Variants in TBC1D31 observed in about 807,000 individuals in gnomAD.
The protein encoded by TBC1D31 is TBC1 domain family member 31.
In TBC1D31, 99 loss-of-function variants were observed where a neutral mutation model predicts 132.9. The observed-to-expected ratio is 0.74, with a 90% CI of 0.63 to 0.88. TBC1D31 has a LOEUF of 0.88. Ranked by LOEUF, TBC1D31 falls within the 40% of genes least tolerant of loss-of-function variation. The pLI is 0.00. For synonymous variants in TBC1D31, 385 were observed against 419.4 expected, an observed-to-expected ratio of 0.92 and a Z score of 1.00; for missense variants, 1,134 against 1,256.6, an observed-to-expected ratio of 0.90 and a Z score of 1.48.
intron 7 of TBC1D31, chr8:123,102,279 C>T (rs905398781): frequency 2.6e-5 from 12 of 456,432 alleles, no homozygotes; most frequent in African/African-American, 6.0e-5. Context: ...AATCACACAG[C>T]GAGTAACTAG....
intron 20 of TBC1D31, among the ~76,000 whole-genome samples, chr8:123,146,450 T>C (rs1262844588): frequency 1.3e-5 from 2 of 152,244 alleles, no homozygotes; most frequent in Non-Finnish European, 2.9e-5. Flanking sequence ...TTTCTTGTAC[T>C]TGGCATAATG....
intron 11 of TBC1D31, among the ~76,000 whole-genome samples, chr8:123,124,938 C>T (rs565651662): frequency 0.012 from 993 of 81,072 alleles, 13 homozygotes; most frequent in African/African-American, 0.04. Context: ...CTCCGTCTCA[C>T]AAAAAAAAAA....
At chr8:123,106,240 C>T (rs1036427473) in intron 8 of TBC1D31, among the ~76,000 whole-genome samples, 7 of 152,116 alleles carry the variant, frequency 4.6e-5, no homozygotes, top group Admixed American at 6.6e-5. Context: ...AATTGCACAC[C>T]GTTCTGAGTA....
downstream of TBC1D31, among the ~76,000 whole-genome samples, chr8:123,157,000 C>T (rs964586662): frequency 1.3e-5 from 2 of 152,060 alleles, no homozygotes; most frequent in African/African-American, 4.8e-5. Flanking sequence ...AGGGCAAGGG[C>T]GAGGGCAGGT....
intron 10 of TBC1D31, among the ~76,000 whole-genome samples, chr8:123,117,518 G>A (rs558646762): frequency 6.6e-6 from 1 of 151,844 alleles, no homozygotes; most frequent in South Asian, 2.1e-4. Flanking sequence ...ACTTTGGGAG[G>A]CCGAGACGGG....
intron 10 of TBC1D31, among the ~76,000 whole-genome samples, chr8:123,110,186 G>A (rs952878416): frequency 2.0e-5 from 3 of 152,322 alleles, no homozygotes; most frequent in Middle Eastern, 3.4e-3. Flanking sequence ...TAATGATTGT[G>A]ATGTAAGACG....
At chr8:123,102,349 G>GCTGTGGCA in intron 7 of TBC1D31, 1 of 417,806 alleles carries the variant, frequency 2.4e-6, no homozygotes. Context: ...TTGGAGTGGC[G>GCTGTGGCA]TTTGCCACCT....
At chr8:123,077,986 T>TTCA (rs1814710334) in intron 2 of TBC1D31, among the ~76,000 whole-genome samples, 1 of 151,886 alleles carries the variant, frequency 6.6e-6, no homozygotes, top group African/African-American at 2.4e-5. Flanking sequence ...AGGTGGAGGT[T>TTCA]TCAGTGAGCC....
rs1327668860 is a variant in TBC1D31, at chr8:123,139,082, A to T, written c.2500-1679A>T. Among the ~76,000 whole-genome samples, 6 of 149,636 alleles carry T rather than the reference A, an allele frequency of 4.0e-5. No homozygotes were observed. The East Asian group carries it at 1.2e-3, about 29-fold the overall frequency. Reference sequence around the variant, plus strand: ...CTTGGCCTCCCAAAGTGCTGGGATTATACGTATAAGCCACTATGCCTGGCA... The same window carrying T: ...CTTGGCCTCCCAAAGTGCTGGGATTTTACGTATAAGCCACTATGCCTGGCA... On this transcript the variant is annotated intron_variant, in intron 17 of 21. Transcript: ENST00000287380.
rs762627231 is a variant in TBC1D31 at position 123,129,229 on chromosome 8, T to C, written c.2270+11T>C. 7 of 1,488,812 alleles carry C rather than the reference T, an allele frequency of 4.7e-6. No homozygotes were observed. The South Asian group carries it at 9.8e-5, about 21-fold the overall frequency. The allele number at this position is 1,488,812 out of a possible 1,614,324, so 92.2% of individuals were successfully genotyped here. ...ACAACAAAGACAGAGGTATGTGTTA[T>C]CACTTTAAAAAAAAATCTGGACATA... is the stretch of plus-strand genomic sequence containing the variant. On this transcript the variant is annotated intron_variant, in intron 15 of 21. Coordinates refer to ENST00000287380, the MANE Select transcript of TBC1D31 (RefSeq NM_145647.4).
intron 17 of TBC1D31, among the ~76,000 whole-genome samples, chr8:123,139,140 T>G (rs1821387564): frequency 6.7e-6 from 1 of 149,296 alleles, no homozygotes; most frequent in African/African-American, 2.5e-5. Flanking sequence ...TTTCAAACAG[T>G]CATGTGATTT....
chr8:123,159,176 A>G, the TBC1D31 span, among the ~76,000 whole-genome samples: 2 of 149,940 alleles, frequency 1.3e-5, no homozygotes, highest in African/African-American at 4.9e-5. Flanking sequence ...AAACAGCCCC[A>G]CTTTCGGGTG....
chr8:123,123,038 A>T (rs937059600), intron 11 of TBC1D31: 1 of 152,296 alleles, frequency 6.6e-6, no homozygotes, highest in South Asian at 2.1e-4. Flanking sequence ...CTGGAGCTCC[A>T]CTTGCACAGA....
intron 16 of TBC1D31, among the ~76,000 whole-genome samples, chr8:123,131,363 CA>C (rs59929988): frequency 0.27 from 17,785 of 64,832 alleles, 385 homozygotes; most frequent in Admixed American, 0.32. Context: ...GACTCAGTCT[CA>C]AAAAAAAAAA....
At chr8:123,123,625 A>G (rs1341079218) in intron 11 of TBC1D31, 1 of 152,932 alleles carries the variant, frequency 6.5e-6, no homozygotes, top group East Asian at 1.9e-4. Context: ...AATGAGAACC[A>G]TCAAGGCTGA....
At chr8:123,114,688 C>T (rs1223617075) in intron 10 of TBC1D31, among the ~76,000 whole-genome samples, 1 of 152,144 alleles carries the variant, frequency 6.6e-6, no homozygotes, top group Non-Finnish European at 1.5e-5. Flanking sequence ...AATATTCCTT[C>T]TTTGTAAAAT....
At chr8:123,108,913 C>T (rs1391259941) in intron 8 of TBC1D31, among the ~76,000 whole-genome samples, 1 of 152,046 alleles carries the variant, frequency 6.6e-6, no homozygotes, top group Non-Finnish European at 1.5e-5. Context: ...TTAACAAAAC[C>T]ATCAGATCTC....
intron 11 of TBC1D31, 23 bp downstream of exon 11, chr8:123,120,211 A>G (rs1206032412): frequency 1.9e-6 from 3 of 1,571,302 alleles, no homozygotes; most frequent in Non-Finnish European, 2.6e-6. Flanking sequence ...TTGTTAAAGT[A>G]TAAGATCAAG....
chr8:123,128,115 TA>T (rs1216428972), intron 13 of TBC1D31, 165 bp from the exon 14 acceptor site: 1 of 436,094 alleles, frequency 2.3e-6, no homozygotes, highest in African/African-American at 2.0e-5. Flanking sequence ...ATTTTTTAAA[TA>T]AATTGTCTTT....
Sources: gnomAD v4.1 joint callset for allele counts (sites outside exome capture counted in the v4.1 genomes callset) on GRCh38, gnomAD v4.1.1 for gene constraint, MANE v1.5 for transcripts, NCBI Gene and HGNC (gene_info 2026-07-23, HGNC 2026-07-21) for gene names.